Variants in JHY observed in about 807,000 individuals in gnomAD.
JHY encodes the protein jhy protein homolog.
A neutral mutation model predicts 78.0 loss-of-function variants in JHY; 69 were observed. The observed-to-expected ratio is 0.88, with a 90% CI of 0.73 to 1.08. JHY has a LOEUF of 1.08. Among genes scored for constraint, JHY ranks in the 50% least tolerant of loss-of-function variants. The pLI, the probability that JHY is intolerant of heterozygous loss-of-function variation, is 0.00. For synonymous variants in JHY, 368 were observed against 342.6 expected (o/e 1.07, Z -0.82); for missense variants, 944 against 927.8 (o/e 1.02, Z -0.23).
chr11:122,886,657 A>C (rs1862503252), intron 2 of JHY, among the ~76,000 whole-genome samples: 1 of 152,150 alleles, frequency 6.6e-6, no homozygotes. Flanking sequence ...TATGTTGGCC[A>C]GGTTGGTCTT....
At chr11:122,904,780 AATCTGG>A (rs1370287949) in intron 3 of JHY, among the ~76,000 whole-genome samples, 1 of 152,250 alleles carries the variant, frequency 6.6e-6, no homozygotes. Context: ...CATTCAAAGA[AATCTGG>A]AACTTTTTAA....
intron 3 of JHY, among the ~76,000 whole-genome samples, chr11:122,911,228 T>C (rs568129089): frequency 1.3e-5 from 2 of 152,356 alleles, no homozygotes; most frequent in East Asian, 3.9e-4. Context: ...AGAAATGCTC[T>C]ATACATGTTA....
intron 5 of JHY, among the ~76,000 whole-genome samples, chr11:122,939,855 AATCACACCATT>A (rs1211236844): frequency 6.6e-6 from 1 of 151,744 alleles, no homozygotes; most frequent in Non-Finnish European, 1.5e-5. Flanking sequence ...CTTATACAAC[AATCACACCATT>A]ATCACAGCTA....
chr11:122,899,327 CA>C (rs893469098), intron 2 of JHY, among the ~76,000 whole-genome samples: 8 of 151,328 alleles, frequency 5.3e-5, no homozygotes, highest in African/African-American at 9.7e-5. Context: ...CCTTTCTTTA[CA>C]AAAAAAAATC....
chr11:122,961,901 C>G lies in JHY; in HGVS notation c.*2456C>G, dbSNP rs956558949. ...CATCAAGACATTAGTTAGAAACCCT[C>G]CAACAAGTCCAGAAACACCTAATGC... On this transcript the variant is annotated 3_prime_UTR_variant, in exon 9 of 9. Coordinates refer to ENST00000227349, the MANE Select transcript of JHY (RefSeq NM_024806.4). Among the ~76,000 whole-genome samples, 1 of 152,186 alleles carries G rather than the reference C, an allele frequency of 6.6e-6. No individual in the cohort carries two copies. The highest frequency in any genetic ancestry group is 2.4e-5 in the African/African-American group (1 of 41,446).
rs956160502 is a variant in JHY at position 122,963,502 on chromosome 11, C to T, written c.*4057C>T. On this transcript the variant is annotated 3_prime_UTR_variant, in exon 9 of 9. Coordinates refer to ENST00000227349, the MANE Select transcript of JHY (RefSeq NM_024806.4). ...CTTCATTTGGCTCCACGTCATCTCA[C>T]AATAGTGAAATACAGCAGAATGTCA... 5.3e-5 allele frequency among the ~76,000 whole-genome samples: 8 copies of T among 152,274 alleles called. No individual in the cohort carries two copies. Among genetic ancestry groups the T allele is most frequent in the African/African-American group, 1.9e-4 (8 of 41,560 alleles).
chr11:122,957,444 C>T lies in JHY; in HGVS notation c.2092C>T (p.Pro698Ser). Reference protein sequence around the residue: ...NMKTLSILSKPQTEKTQKKSA... With the variant: ...NMKTLSILSKSQTEKTQKKSA... ...GAAGACACTATCCATTCTATCAAAACCACAAACAGAAAAAACTCAAAAGAA... is the reference window on the plus strand; with the variant it reads ...GAAGACACTATCCATTCTATCAAAATCACAAACAGAAAAAACTCAAAAGAA... Residue 698 changes from proline (P) to serine (S), a missense_variant, in exon 8 of 9, where the codon CCA (proline) becomes TCA (serine). Coordinates refer to ENST00000227349, the MANE Select transcript of JHY (RefSeq NM_024806.4). The T allele has an allele frequency of 1.3e-6, 2 of 1,535,286 alleles. No individual in the cohort carries two copies. Among genetic ancestry groups the T allele is most frequent in the Non-Finnish European group, 1.7e-6 (2 of 1,152,022 alleles).
intron 8 of JHY, chr11:122,959,008 G>C (rs1003536082): frequency 7.1e-6 from 7 of 984,710 alleles, no homozygotes; most frequent in Non-Finnish European, 7.2e-6. Flanking sequence ...GCATCCAAAG[G>C]ACACAACCGT....
Position 122,904,345 on chromosome 11 carries a change from T to A in JHY, c.765T>A (p.Phe255Leu). ...GGCGAAGGAAATCCAAACAACATTT[T>A]GTGGAAAAAAACAAGCTCACTTTGG... ...GPRRRKSKQH[F>L]VEKNKLTLGL... Residue 255 changes from phenylalanine (F) to leucine (L), a missense_variant, in exon 3 of 9, where the codon TTT becomes TTA. Coordinates refer to ENST00000227349, the MANE Select transcript of JHY (RefSeq NM_024806.4). 2 of 1,613,982 alleles carry A rather than the reference T, an allele frequency of 1.2e-6. No homozygotes were observed. Among genetic ancestry groups the A allele is most frequent in the South Asian group, 2.2e-5 (2 of 91,072 alleles).
chr11:122,909,140 A>G (rs568017978), intron 3 of JHY, among the ~76,000 whole-genome samples: 26 of 152,352 alleles, frequency 1.7e-4, no homozygotes, highest in African/African-American at 6.0e-4. Flanking sequence ...GTCTCAGCCT[A>G]TTAGAGAAAT....
intron 3 of JHY, among the ~76,000 whole-genome samples, chr11:122,914,152 T>C (rs923327498): frequency 1.3e-5 from 2 of 152,210 alleles, no homozygotes; most frequent in East Asian, 3.8e-4. Context: ...AGATATGCAA[T>C]GTGAAAGCTT....
In JHY at chr11:122,898,901, C is replaced by T. The variant is rs1862789346; in HGVS notation, c.345-5024C>T. The stretch of plus-strand genomic sequence containing the variant: ...CCTCTCACCCTCCATTTTGTCCACA[C>T]AGAATTTGTTCTATGAAAGCACCAC... On this transcript the variant is annotated intron_variant, in intron 2 of 8. Coordinates refer to ENST00000227349, the MANE Select transcript of JHY (RefSeq NM_024806.4). This position sits in a 1 kb window ranked among gnomAD's most constrained non-coding sequence, Gnocchi z 4.4. Among the ~76,000 whole-genome samples, 1 of 152,244 alleles carries T rather than the reference C, an allele frequency of 6.6e-6. No individual in the cohort carries two copies. The highest frequency in any genetic ancestry group is 1.9e-4 in the East Asian group (1 of 5,200).
At chr11:122,900,224 A>AG (rs1481642887) in intron 2 of JHY, among the ~76,000 whole-genome samples, 3 of 152,240 alleles carry the variant, frequency 2.0e-5, no homozygotes, top group Non-Finnish European at 2.9e-5. Flanking sequence ...CAATTCAGCA[A>AG]GGCGTGACAG....
chr11:122,942,180 C>G (rs1863887675), intron 5 of JHY, among the ~76,000 whole-genome samples: 1 of 151,844 alleles, frequency 6.6e-6, no homozygotes, highest in South Asian at 2.1e-4. Context: ...CCAGAAATTC[C>G]TTTTTCAAAG....
In JHY at chr11:122,934,709, A is replaced by G. The variant is rs375259348; in HGVS notation, c.1268A>G (p.Asp423Gly). 2.5e-6 allele frequency: 4 copies of G among 1,614,038 alleles called. No individual in the cohort carries two copies. Among genetic ancestry groups the G allele is most frequent in the Non-Finnish European group, 3.4e-6 (4 of 1,180,034 alleles). The change falls in exon 5 of 9, where the codon GAT (aspartate) becomes GGT (glycine). Residue 423 changes from aspartate (D) to glycine (G), a missense_variant. Physicochemically the swap from Asp to Gly is moderately conservative, Grantham distance 94. Coordinates refer to ENST00000227349, the MANE Select transcript of JHY (RefSeq NM_024806.4). ...GTGATTATGCATGCCTCTAACAATG[A>G]TGTACAAGCCTCAAGGGCACTTAGA... Reference protein sequence around the residue: ...SIVIMHASNNDVQASRALRSH... With the variant: ...SIVIMHASNNGVQASRALRSH...
rs545734319 is a variant in JHY, at chr11:122,946,504, C to G, written c.1641C>G (p.Phe547Leu). 6.4e-7 allele frequency: 1 copy of G among 1,557,524 alleles called. No individual in the cohort carries two copies. Among genetic ancestry groups the G allele is most frequent in the African/African-American group, 1.4e-5 (1 of 71,644 alleles). Residue 547 changes from phenylalanine (F) to leucine (L), a missense_variant, in exon 6 of 9, where the codon TTC becomes TTG. Transcript: ENST00000227349. ...KYRNLEMLWK[F>L]HSSSDSQTVR... is the part of the protein sequence containing the mutation. The stretch of plus-strand genomic sequence containing the variant: ...CTTTTTTTTTTTCATTAAGGAAATT[C>G]CATTCTTCTTCTGACAGCCAGACGG...
Position 122,961,788 on chromosome 11 carries a change from T to C in JHY, c.*2343T>C, listed in dbSNP as rs898029694. On this transcript the variant is annotated 3_prime_UTR_variant, in exon 9 of 9. Coordinates refer to ENST00000227349, the MANE Select transcript of JHY (RefSeq NM_024806.4). ...AAGTGACAATTGAATGAAACACAAA[T>C]AAATAAAGAATAAAGTTGAAAAAAA... Among the ~76,000 whole-genome samples, 1 of 152,130 alleles carries C rather than the reference T, an allele frequency of 6.6e-6. No homozygotes were observed. Among genetic ancestry groups the C allele is most frequent in the South Asian group, 2.1e-4 (1 of 4,816 alleles).
chr11:122,901,132 A>C (rs949109922), intron 2 of JHY, among the ~76,000 whole-genome samples: 1 of 152,260 alleles, frequency 6.6e-6, no homozygotes, highest in Admixed American at 6.5e-5. Context: ...ATGTGTTACT[A>C]TACTAAACAC....
chr11:122,913,978 A>G (rs1186574006), intron 3 of JHY, among the ~76,000 whole-genome samples: 1 of 152,248 alleles, frequency 6.6e-6, no homozygotes, highest in African/African-American at 2.4e-5. Context: ...GTGCTGTTAA[A>G]CACTGGAATT....
Sources: gnomAD v4.1 joint callset for allele counts (sites outside exome capture counted in the v4.1 genomes callset) on GRCh38, gnomAD v4.1.1 for gene constraint, Gnocchi (gnomAD v3.1) non-coding constraint, MANE v1.5 for transcripts, NCBI Gene and HGNC (gene_info 2026-07-23, HGNC 2026-07-21) for gene names.